Variants in NR2E1 observed in about 807,000 individuals in gnomAD.
NR2E1 encodes nuclear receptor subfamily 2 group E member 1, also known as nuclear receptor TLX.
In NR2E1, 5 loss-of-function variants were observed where a neutral mutation model predicts 43.6. That is an observed-to-expected ratio of 0.11 (90% CI 0.06 to 0.24). The LOEUF (loss-of-function observed/expected upper bound fraction) is 0.24. Among genes scored for constraint, NR2E1 ranks in the 10% least tolerant of loss-of-function variants. NR2E1 has a pLI of 1.00. For missense variants in NR2E1, 287 were observed against 496.7 expected (o/e 0.58, Z 4.01); for synonymous variants, 191 against 195.5 (o/e 0.98, Z 0.19).
In NR2E1 at chr6:108,166,834, G is replaced by C. The variant is rs746933479; in HGVS notation, c.25+44G>C. 1.3e-6 allele frequency: 2 copies of C among 1,572,580 alleles called. No homozygotes were observed. Among genetic ancestry groups the C allele is most frequent in the Non-Finnish European group, 1.7e-6 (2 of 1,161,660 alleles). Reference sequence around the variant, plus strand: ...GCCGTGGGGCCTAGGCGCGCAGCCTGGGGCGAGCGAGCGGGGAGGCTGGGG... The same window carrying C: ...GCCGTGGGGCCTAGGCGCGCAGCCTCGGGCGAGCGAGCGGGGAGGCTGGGG... On this transcript the variant is annotated intron_variant, in intron 1 of 8. Transcript: ENST00000368986. The surrounding 1 kb of genome is among the most constrained non-coding windows in gnomAD (Gnocchi z 7.2).
chr6:108,179,888 C>G (rs897583313), intron 5 of NR2E1, among the ~76,000 whole-genome samples: 4 of 152,122 alleles, frequency 2.6e-5, no homozygotes, highest in African/African-American at 9.7e-5. Context: ...CCCAGCCCAG[C>G]CCCCTCAACC....
At position 108,180,071 on chromosome 6, in the gene NR2E1, G is replaced by A. The variant is rs1209293964; in HGVS notation, c.643-252G>A. Among the ~76,000 whole-genome samples the A allele has an allele frequency of 1.9e-4, 29 of 152,194 alleles. No homozygotes were observed. The highest frequency in any genetic ancestry group is 2.9e-5 in the Non-Finnish European group (2 of 68,008). ...GAATGGGTGGATACAAGGACAAGAG[G>A]GGCAAATCCTTTTCTGAGAGAAGGA... On this transcript the variant is annotated intron_variant, in intron 5 of 8. Transcript: ENST00000368986. This position sits in a 1 kb window ranked among gnomAD's most constrained non-coding sequence, Gnocchi z 5.4.
rs774734793 is a variant in NR2E1 at position 108,187,509 on chromosome 6, C to G, written c.*46C>G. On this transcript the variant is annotated 3_prime_UTR_variant, in exon 9 of 9. Transcript: ENST00000368986. ...TCAGGATGGGACAGTATCAGATGAACTTCAACCCATGGAGAACAAGCCTCA... is the reference window on the plus strand; with the variant it reads ...TCAGGATGGGACAGTATCAGATGAAGTTCAACCCATGGAGAACAAGCCTCA... 1.3e-6 allele frequency: 2 copies of G among 1,596,456 alleles called. No homozygotes were observed. Among genetic ancestry groups the G allele is most frequent in the East Asian group, 4.5e-5 (2 of 44,806 alleles).
intron 3 of NR2E1, among the ~76,000 whole-genome samples, chr6:108,175,632 A>T (rs1773883533): frequency 1.3e-5 from 2 of 152,190 alleles, no homozygotes; most frequent in Admixed American, 1.3e-4. Context: ...CCCCCGCTGC[A>T]GCCTGTCGAG....
chr6:108,170,082 C>G (rs1160263375), intron 1 of NR2E1, among the ~76,000 whole-genome samples: 1 of 151,454 alleles, frequency 6.6e-6, no homozygotes, highest in Non-Finnish European at 1.5e-5. Context: ...TGCGGTGCCT[C>G]GAGGCCCTCC....
In NR2E1 at chr6:108,188,015, A is replaced by C. The variant is rs1232189826; in HGVS notation, c.*552A>C. The C allele has an allele frequency of 6.4e-6, 1 of 156,064 alleles. No homozygotes were observed. Among genetic ancestry groups the C allele is most frequent in the Non-Finnish European group, 1.4e-5 (1 of 70,160 alleles). The allele number at this position is 156,064 out of a possible 1,614,324, so 9.7% of individuals were successfully genotyped here. ...TTCAGAACTGAGTTAATAAGTGAAA[A>C]GTAGCTTATGCCATGTGATTTGCTT... On this transcript the variant is annotated 3_prime_UTR_variant, in exon 9 of 9. Transcript: ENST00000368986.
At chr6:108,167,825 C>T (rs1043248261) in intron 1 of NR2E1, among the ~76,000 whole-genome samples, 4 of 151,956 alleles carry the variant, frequency 2.6e-5, no homozygotes, top group African/African-American at 9.7e-5. Context: ...TTTCACTCGC[C>T]CTCATTGTCC....
At chr6:108,185,270 C>A (rs753323570) in intron 8 of NR2E1, among the ~76,000 whole-genome samples, 2 of 152,034 alleles carry the variant, frequency 1.3e-5, no homozygotes, top group Non-Finnish European at 2.9e-5. Context: ...CTGTAATAGA[C>A]CTAAAACACT....
chr6:108,185,026 G>A (rs1774051249), intron 8 of NR2E1, among the ~76,000 whole-genome samples: 1 of 152,070 alleles, frequency 6.6e-6, no homozygotes. Context: ...AAATGACTAT[G>A]CCTTATTTCT....
At position 108,180,923 on chromosome 6, in the gene NR2E1, G is replaced by A; in HGVS notation, c.856G>A (p.Ala286Thr). 2 of 1,614,150 alleles carry A rather than the reference G, an allele frequency of 1.2e-6. No homozygotes were observed. Among genetic ancestry groups the A allele is most frequent in the Non-Finnish European group, 1.7e-6 (2 of 1,180,016 alleles). ...RQLRLDATEF[A>T]CLKCIVTFKA... is the part of the protein sequence containing the mutation. The stretch of plus-strand genomic sequence containing the variant: ...ACTCCGGTTAGATGCTACTGAATTT[G>A]CCTGTCTAAAATGCATCGTCACTTT... Residue 286 changes from alanine to threonine, a missense_variant, in exon 7 of 9, where the codon GCC (alanine) becomes ACC (threonine). Coordinates refer to ENST00000368986, the MANE Select transcript of NR2E1 (RefSeq NM_003269.5). The surrounding 1 kb of genome is among the most constrained non-coding windows in gnomAD (Gnocchi z 5.4).
In NR2E1 at chr6:108,176,489, G is replaced by A. The variant is rs751670468; in HGVS notation, c.260-14G>A. 42 of 1,611,970 alleles carry A rather than the reference G, an allele frequency of 2.6e-5. No homozygotes were observed. The highest frequency in any genetic ancestry group is 3.5e-5 in the Non-Finnish European group (41 of 1,179,434). On this transcript the variant is annotated splice_polypyrimidine_tract_variant and intron_variant, in intron 3 of 8. Coordinates refer to ENST00000368986, the MANE Select transcript of NR2E1 (RefSeq NM_003269.5). The stretch of plus-strand genomic sequence containing the variant: ...TCTAATCGCCGGCATGCGTTTCTCT[G>A]TTTGCCTCTGCAGCCGTGCAGCACG...
At chr6:108,177,990 C>A in intron 4 of NR2E1, 105 bp from the exon 5 acceptor site, 1 of 1,272,194 alleles carries the variant, frequency 7.9e-7, no homozygotes, top group Non-Finnish European at 1.1e-6. Context: ...CATCCAAATT[C>A]TTTTTTATCC....
At chr6:108,171,322 C>A in intron 1 of NR2E1, 136 bp from the exon 2 acceptor site, 1 of 956,428 alleles carries the variant, frequency 1.0e-6, no homozygotes, top group Non-Finnish European at 1.6e-6. Flanking sequence ...TTTGCTTTTA[C>A]CGCAGCTTCG....
At chr6:108,186,033 G>T (rs1774070985) in intron 8 of NR2E1, among the ~76,000 whole-genome samples, 1 of 152,214 alleles carries the variant, frequency 6.6e-6, no homozygotes, top group Non-Finnish European at 1.5e-5. Flanking sequence ...AAGGGAAATA[G>T]AGCTGTTGAA....
At chr6:108,171,763 C>T (rs1473142094) in intron 2 of NR2E1, among the ~76,000 whole-genome samples, 160 bp downstream of exon 2, 2 of 152,150 alleles carry the variant, frequency 1.3e-5, no homozygotes, top group African/African-American at 4.8e-5. Flanking sequence ...CTTGGAGGCC[C>T]TTTGGCTGGG....
intron 8 of NR2E1, among the ~76,000 whole-genome samples, chr6:108,186,550 G>A (rs1774078409): frequency 6.6e-6 from 1 of 152,198 alleles, no homozygotes; most frequent in Admixed American, 6.5e-5. Flanking sequence ...CTCTCCTTAT[G>A]TATATTGATA....
Position 108,176,640 on chromosome 6 carries a change from G to A in NR2E1, c.397G>A (p.Ala133Thr), listed in dbSNP as rs1486393062. The A allele has an allele frequency of 6.2e-7, 1 of 1,609,558 alleles. No homozygotes were observed. ...GCTCCCTGCGCCGGCCTTCTTCACC[G>A]CGGTCACGCAGCTGGAGCCGCACGG... ...AALPAPAFFT[A>T]VTQLEPHGLE... The change falls in exon 4 of 9, where the codon GCG becomes ACG. Residue 133 changes from alanine (A) to threonine (T), a missense_variant. Ala to Thr is a moderately conservative substitution (Grantham distance 58). Coordinates refer to ENST00000368986, the MANE Select transcript of NR2E1 (RefSeq NM_003269.5).
Position 108,166,678 on chromosome 6 carries a change from G to C in NR2E1, c.-88G>C, listed in dbSNP as rs1422614474. 8.5e-7 allele frequency: 1 copy of C among 1,173,902 alleles called. No homozygotes were observed. The allele number at this position is 1,173,902 out of a possible 1,614,324, so 72.7% of individuals were successfully genotyped here. On this transcript the variant is annotated 5_prime_UTR_variant, in exon 1 of 9. Coordinates refer to ENST00000368986, the MANE Select transcript of NR2E1 (RefSeq NM_003269.5). This position sits in a 1 kb window ranked among gnomAD's most constrained non-coding sequence, Gnocchi z 7.2. ...AGCCTTGCAGGCTGGAGGGCAGCTG[G>C]AGAGCGGCGGCGCCCGGCGGCGAGG... is the stretch of plus-strand genomic sequence containing the variant.
chr6:108,181,679 C>T (rs751935722), intron 8 of NR2E1, 28 bp downstream of exon 8: 15 of 1,577,056 alleles, frequency 9.5e-6, no homozygotes, highest in South Asian at 5.5e-5. Context: ...TGAACATGTA[C>T]TTAAGAAAAT....
Sources: gnomAD v4.1 joint callset for allele counts (sites outside exome capture counted in the v4.1 genomes callset) on GRCh38, gnomAD v4.1.1 for gene constraint, Gnocchi (gnomAD v3.1) non-coding constraint, MANE v1.5 for transcripts, NCBI Gene and HGNC (gene_info 2026-07-23, HGNC 2026-07-21) for gene names.